Variants in GNG7 observed in about 807,000 individuals in gnomAD.
GNG7 encodes the protein G protein subunit gamma 7, also known as guanine nucleotide-binding protein G(I)/G(S)/G(O) subunit gamma-7.
A neutral mutation model predicts 4.0 loss-of-function variants in GNG7; 1 was observed. The observed-to-expected ratio is 0.25, with a 90% CI of 0.09 to 1.18. The LOEUF is 1.18. Ranked by LOEUF, GNG7 falls within the 50% of genes most tolerant of loss-of-function variation. The pLI, the probability that GNG7 is intolerant of heterozygous loss-of-function variation, is 0.50. For synonymous variants in GNG7, 34 were observed against 36.9 expected, an observed-to-expected ratio of 0.92 and a Z score of 0.29; for missense variants, 86 against 91.9, an observed-to-expected ratio of 0.94 and a Z score of 0.26.
At position 2,609,010 on chromosome 19, in the gene GNG7, T is replaced by TTCTCTCTC. The variant is rs3064559; in HGVS notation, c.-78+37206_-78+37213dup. 3.1e-4 allele frequency among the ~76,000 whole-genome samples: 47 copies of TTCTCTCTC among 149,440 alleles called. No individual in the cohort carries two copies. The highest frequency in any genetic ancestry group is 1.1e-3 in the African/African-American group (43 of 40,644). Reference sequence around the variant, plus strand: ...ATCATGCCTACCTAGTTCTTGTACATTCTCTCTCTCTCTCTCTCTCTCTTT... The same window carrying TTCTCTCTC: ...ATCATGCCTACCTAGTTCTTGTACATTCTCTCTCTCTCTCTCTCTCTCTCTCTCTCTTT... On this transcript the variant is annotated intron_variant, in intron 2 of 4. Transcript: ENST00000382159. The surrounding 1 kb of genome is among the most constrained non-coding windows in gnomAD (Gnocchi z 4.4).
intron 2 of GNG7, among the ~76,000 whole-genome samples, chr19:2,561,681 A>C (rs937801793): frequency 1.3e-5 from 2 of 150,646 alleles, no homozygotes; most frequent in Admixed American, 6.7e-5. Context: ...GTTCAAGACC[A>C]GTCTGCCCAA....
At chr19:2,516,237 TA>T (rs1254410440) in intron 4 of GNG7, among the ~76,000 whole-genome samples, 1 of 151,770 alleles carries the variant, frequency 6.6e-6, no homozygotes, top group Non-Finnish European at 1.5e-5. Flanking sequence ...AATAAACAAA[TA>T]AATAAATTTA....
At chr19:2,686,111 G>A (rs551907593) in intron 1 of GNG7, among the ~76,000 whole-genome samples, 2 of 152,002 alleles carry the variant, frequency 1.3e-5, no homozygotes, top group South Asian at 4.2e-4. Context: ...GGGGCAGAAA[G>A]TGCCAGCTGT....
chr19:2,671,837 G>A (rs1983461030), intron 1 of GNG7, among the ~76,000 whole-genome samples: 1 of 151,396 alleles, frequency 6.6e-6, no homozygotes, highest in African/African-American at 2.4e-5. Flanking sequence ...GGATCACGAG[G>A]TCAGCAGATC....
chr19:2,561,753 C>T (rs894627259), intron 2 of GNG7, among the ~76,000 whole-genome samples: 10 of 149,596 alleles, frequency 6.7e-5, no homozygotes, highest in East Asian at 3.9e-4. Flanking sequence ...TAGCGGCAGG[C>T]GCCTGTGATC....
At chr19:2,601,133 C>T (rs77445319) in intron 2 of GNG7, among the ~76,000 whole-genome samples, 12 of 151,904 alleles carry the variant, frequency 7.9e-5, no homozygotes, top group Non-Finnish European at 1.5e-4. Flanking sequence ...AGACCTCCCC[C>T]CCGCCACCAT....
At chr19:2,534,064 G>C (rs796707100) in intron 3 of GNG7, among the ~76,000 whole-genome samples, 4 of 152,202 alleles carry the variant, frequency 2.6e-5, no homozygotes, top group African/African-American at 9.6e-5. Flanking sequence ...ATTATTTCAG[G>C]AGTTTACTAG....
rs557044639 is a variant in GNG7, at chr19:2,567,522, C to T, written c.-77-12334G>A. Among the ~76,000 whole-genome samples the T allele has an allele frequency of 3.9e-5, 6 of 152,160 alleles. No individual in the cohort carries two copies. In the East Asian group the frequency reaches 1.2e-3, roughly 29 times the overall value. ...GCATTTTTTTGTATAGATGGGGTTT[C>T]GCCATTTTGCCCAGGCTGGTCTTGA... On this transcript the variant is annotated intron_variant, in intron 2 of 4. Transcript: ENST00000382159.
chr19:2,550,300 C>A (rs1408956009), intron 3 of GNG7, among the ~76,000 whole-genome samples: 1 of 152,224 alleles, frequency 6.6e-6, no homozygotes, highest in African/African-American at 2.4e-5. Flanking sequence ...TCACTGCAAC[C>A]TCCGCCTCCC....
chr19:2,652,373 G>A (rs372482082), intron 1 of GNG7, among the ~76,000 whole-genome samples: 5 of 151,416 alleles, frequency 3.3e-5, no homozygotes, highest in African/African-American at 4.8e-5. Flanking sequence ...TAATCCCAGC[G>A]CTTTGGGAGG....
chr19:2,562,209 G>A (rs1037785901), intron 2 of GNG7, among the ~76,000 whole-genome samples: 7 of 152,034 alleles, frequency 4.6e-5, no homozygotes, highest in Non-Finnish European at 7.4e-5. Context: ...CGCAGCCCCG[G>A]AGCTGCCGGG....
chr19:2,534,604 A>T (rs1433824271), intron 3 of GNG7, among the ~76,000 whole-genome samples: 1 of 152,210 alleles, frequency 6.6e-6, no homozygotes, highest in Non-Finnish European at 1.5e-5. Context: ...GCCATGAGGG[A>T]GATGGCTGTC....
intron 2 of GNG7, among the ~76,000 whole-genome samples, chr19:2,597,344 C>A (rs967752754): frequency 3.3e-5 from 5 of 152,216 alleles, no homozygotes; most frequent in African/African-American, 9.6e-5. Context: ...CGCCTGTAAT[C>A]CTAACACTGT....
At chr19:2,696,786 G>A (rs926635364) in intron 1 of GNG7, among the ~76,000 whole-genome samples, 33 of 152,216 alleles carry the variant, frequency 2.2e-4, no homozygotes, top group African/African-American at 5.8e-4. Flanking sequence ...AGGGAGAGGC[G>A]TGGGTGCCAG....
chr19:2,645,199 C>G (rs984292325), intron 2 of GNG7, among the ~76,000 whole-genome samples: 20 of 151,058 alleles, frequency 1.3e-4, no homozygotes, highest in Non-Finnish European at 2.7e-4. Context: ...AACCCTAACT[C>G]TTTTCTGTTT....
chr19:2,590,676 T>TCCAC (rs1980822488), intron 2 of GNG7, among the ~76,000 whole-genome samples: 1 of 138,740 alleles, frequency 7.2e-6, no homozygotes. Flanking sequence ...CATTCATCCA[T>TCCAC]CCACCCATCC....
chr19:2,627,871 G>A (rs979810299), intron 2 of GNG7, among the ~76,000 whole-genome samples: 2 of 152,144 alleles, frequency 1.3e-5, no homozygotes, highest in African/African-American at 2.4e-5. Context: ...GGTGAGGATC[G>A]GTCCCAGCAC....
intron 2 of GNG7, among the ~76,000 whole-genome samples, chr19:2,625,737 G>A (rs1490265319): frequency 2.6e-5 from 4 of 152,128 alleles, no homozygotes; most frequent in African/African-American, 4.8e-5. Context: ...CACCGTGCTG[G>A]GCACAAGACA....
chr19:2,661,340 G>GAAAT, intron 1 of GNG7, among the ~76,000 whole-genome samples: 1 of 146,902 alleles, frequency 6.8e-6, no homozygotes, highest in East Asian at 2.0e-4. Flanking sequence ...AAGAAAGAAA[G>GAAAT]AAAGAAAGAA....
Sources: gnomAD v4.1 joint callset for allele counts (sites outside exome capture counted in the v4.1 genomes callset) on GRCh38, gnomAD v4.1.1 for gene constraint, Gnocchi (gnomAD v3.1) non-coding constraint, MANE v1.5 for transcripts, NCBI Gene and HGNC (gene_info 2026-07-23, HGNC 2026-07-21) for gene names.